Variants in LCLAT1 observed in about 807,000 individuals in gnomAD.
LCLAT1 encodes 1-AGP acyltransferase 8.
LCLAT1 carries 11 observed loss-of-function variants against 30.7 expected under a neutral mutation model. The observed-to-expected ratio is 0.36, with a 90% CI of 0.23 to 0.59. LCLAT1 has a LOEUF of 0.59. Among genes scored for constraint, LCLAT1 ranks in the 20% least tolerant of loss-of-function variants. The pLI is 0.77. For missense variants in LCLAT1, 402 were observed against 458.6 expected (o/e 0.88, Z 1.13); for synonymous variants, 155 against 151.3 (o/e 1.02, Z -0.18).
At chr2:30,478,735 A>G (rs1683171530) in intron 1 of LCLAT1, among the ~76,000 whole-genome samples, 1 of 152,212 alleles carries the variant, frequency 6.6e-6, no homozygotes, top group South Asian at 2.1e-4. Context: ...TTAAAAAACC[A>G]AACATAGACA....
At chr2:30,567,193 T>C (rs1665526814) in intron 4 of LCLAT1, among the ~76,000 whole-genome samples, 1 of 152,188 alleles carries the variant, frequency 6.6e-6, no homozygotes, top group South Asian at 2.1e-4. Flanking sequence ...ATAAAAAAAT[T>C]TAGTTATTAG....
intron 5 of LCLAT1, among the ~76,000 whole-genome samples, chr2:30,631,844 C>T (rs2148528925): frequency 6.6e-6 from 1 of 152,240 alleles, no homozygotes; most frequent in Non-Finnish European, 1.5e-5. Flanking sequence ...TATGAGAGTT[C>T]CAAGAGCTGT....
intron 1 of LCLAT1, chr2:30,476,435 C>T: frequency 2.2e-6 from 1 of 456,658 alleles, no homozygotes; most frequent in Non-Finnish European, 4.4e-6. Context: ...CTCCTGATTT[C>T]CACCTCTGCT....
chr2:30,636,217 G>A (rs927533194), intron 5 of LCLAT1, among the ~76,000 whole-genome samples: 1 of 152,144 alleles, frequency 6.6e-6, no homozygotes, highest in African/African-American at 2.4e-5. Flanking sequence ...TGAAATATTC[G>A]TTAGAATATT....
chr2:30,546,499 T>C (rs1664418712), intron 3 of LCLAT1, among the ~76,000 whole-genome samples: 1 of 152,198 alleles, frequency 6.6e-6, no homozygotes, highest in Admixed American at 6.5e-5. Flanking sequence ...AGTGGTTCAA[T>C]ACAGTGATAT....
At chr2:30,574,801 ATAG>A (rs1413783872) in intron 5 of LCLAT1, among the ~76,000 whole-genome samples, 3 of 152,212 alleles carry the variant, frequency 2.0e-5, no homozygotes, top group African/African-American at 7.2e-5. Context: ...GTCAAGAGCT[ATAG>A]TAGTAAGTGG....
chr2:30,539,834 C>T (rs1664043226), intron 3 of LCLAT1, among the ~76,000 whole-genome samples: 1 of 152,076 alleles, frequency 6.6e-6, no homozygotes. Flanking sequence ...ATTTAAAGGT[C>T]ACAACTGCAT....
chr2:30,556,374 C>G (rs1664919659), intron 3 of LCLAT1, among the ~76,000 whole-genome samples: 1 of 152,054 alleles, frequency 6.6e-6, no homozygotes, highest in African/African-American at 2.4e-5. Flanking sequence ...ATAGCTTGCT[C>G]CTTTCCACAT....
chr2:30,595,831 G>A (rs1328723259), intron 5 of LCLAT1, among the ~76,000 whole-genome samples: 2 of 151,994 alleles, frequency 1.3e-5, no homozygotes, highest in African/African-American at 4.8e-5. Context: ...GTTCTGTGTT[G>A]TTCCCCTAAC....
intron 5 of LCLAT1, among the ~76,000 whole-genome samples, chr2:30,633,455 G>A (rs1277663113): frequency 1.3e-5 from 2 of 152,132 alleles, no homozygotes; most frequent in East Asian, 1.9e-4. Context: ...TTGGGAGGCC[G>A]AGGCGGGCGG....
intron 1 of LCLAT1, among the ~76,000 whole-genome samples, chr2:30,493,832 C>G (rs1683963808): frequency 6.6e-6 from 1 of 152,052 alleles, no homozygotes; most frequent in Non-Finnish European, 1.5e-5. Context: ...CATGAAAGTT[C>G]TTAGTACATA....
chr2:30,610,429 A>C (rs911181108), intron 5 of LCLAT1, among the ~76,000 whole-genome samples: 1 of 152,144 alleles, frequency 6.6e-6, no homozygotes, highest in Non-Finnish European at 1.5e-5. Flanking sequence ...AGATAGCTCC[A>C]TAAGTACAGA....
intron 1 of LCLAT1, among the ~76,000 whole-genome samples, chr2:30,501,398 G>C (rs1265426795): frequency 6.6e-6 from 1 of 152,104 alleles, no homozygotes; most frequent in African/African-American, 2.4e-5. Flanking sequence ...TTTTATAAAA[G>C]ATAATGATGT....
At chr2:30,517,084 C>A (rs746156066) in intron 1 of LCLAT1, among the ~76,000 whole-genome samples, 38 of 152,342 alleles carry the variant, frequency 2.5e-4, no homozygotes, top group Non-Finnish European at 4.4e-4. Flanking sequence ...CCCTACCTCT[C>A]CTTTTGACCC....
intron 1 of LCLAT1, among the ~76,000 whole-genome samples, chr2:30,516,047 G>C (rs1226970654): frequency 6.6e-6 from 1 of 152,164 alleles, no homozygotes; most frequent in Non-Finnish European, 1.5e-5. Flanking sequence ...TATGGGGCTT[G>C]TAACTCAGCT....
intron 1 of LCLAT1, among the ~76,000 whole-genome samples, chr2:30,498,018 G>A (rs1684201709): frequency 6.6e-6 from 1 of 152,146 alleles, no homozygotes; most frequent in Non-Finnish European, 1.5e-5. Context: ...CAGTTATATG[G>A]TCTAGATGAA....
chr2:30,465,528 G>A (rs1682375098), intron 1 of LCLAT1, among the ~76,000 whole-genome samples: 1 of 152,172 alleles, frequency 6.6e-6, no homozygotes, highest in African/African-American at 2.4e-5. Context: ...CAAAAGGGCT[G>A]TGCCCCTTTT....
At chr2:30,543,146 T>A (rs1664232270) in intron 3 of LCLAT1, among the ~76,000 whole-genome samples, 1 of 152,078 alleles carries the variant, frequency 6.6e-6, no homozygotes, top group Admixed American at 6.5e-5. Context: ...TCCCTTCTAT[T>A]CCTGATTTGC....
intron 1 of LCLAT1, among the ~76,000 whole-genome samples, chr2:30,448,682 C>G (rs72853158): frequency 0.014 from 2,092 of 152,314 alleles, 36 homozygotes; most frequent in African/African-American, 0.047. Context: ...CTGGCTGTTG[C>G]TGACAACCAG....
Sources: allele counts gnomAD v4.1 joint callset (sites outside exome capture counted in the v4.1 genomes callset), GRCh38; gene constraint gnomAD v4.1.1; transcripts MANE v1.5; gene names NCBI Gene and HGNC (gene_info 2026-07-23, HGNC 2026-07-21).